The following KCNN2 variants were observed in gnomAD, a reference collection of about 807,000 sequenced individuals.
KCNN2 encodes potassium calcium-activated channel subfamily N member 2.
A neutral mutation model predicts 55.5 loss-of-function variants in KCNN2; 24 were observed. The ratio of observed to expected loss-of-function variants is 0.43; its 90% CI spans 0.31 to 0.61. The LOEUF is 0.61. Among genes scored for constraint, KCNN2 ranks in the 20% least tolerant of loss-of-function variants. The pLI, the probability that KCNN2 is intolerant of heterozygous loss-of-function variation, is 0.08. For synonymous variants in KCNN2, 431 were observed against 336.1 expected (o/e 1.28, Z -3.09); for missense variants, 754 against 853.6 (o/e 0.88, Z 1.45).
intron 2 of KCNN2, among the ~76,000 whole-genome samples, chr5:114,289,210 A>G (rs1218921765): frequency 6.6e-6 from 1 of 152,106 alleles, no homozygotes; most frequent in Non-Finnish European, 1.5e-5. Flanking sequence ...CTGTATGTTT[A>G]TCCTTATGCC....
In KCNN2 at chr5:114,253,031, G is replaced by A. The variant is rs115561895; in HGVS notation, c.-185+31466G>A. 2.8e-3 allele frequency among the ~76,000 whole-genome samples: 429 copies of A among 152,112 alleles called. 2 individuals are homozygous for A. Among genetic ancestry groups the A allele is most frequent in the African/African-American group, 9.9e-3 (411 of 41,504 alleles). ...AAGAGCTCTGCTCTGCTTCTCCTTG[G>A]GGGGTAGTACCTCTTGAACAGCCTT... On this transcript the variant is annotated intron_variant, in intron 2 of 10. Transcript: ENST00000512097.
At chr5:114,098,525 G>A (rs1023437365) in intron 1 of KCNN2, among the ~76,000 whole-genome samples, 22 of 152,040 alleles carry the variant, frequency 1.4e-4, no homozygotes, top group Admixed American at 1.3e-4. Flanking sequence ...TGAGGGATCT[G>A]GGTTGCAAGC....
intron 1 of KCNN2, among the ~76,000 whole-genome samples, chr5:114,143,350 A>G (rs1014843543): frequency 2.0e-5 from 3 of 152,196 alleles, no homozygotes; most frequent in African/African-American, 7.2e-5. Flanking sequence ...TATGATTGGG[A>G]AGATATTAAT....
intron 2 of KCNN2, among the ~76,000 whole-genome samples, chr5:114,234,666 T>G (rs1410765788): frequency 6.6e-6 from 1 of 152,086 alleles, no homozygotes. Context: ...CAGGTATATG[T>G]GTGTAAACGG....
intron 2 of KCNN2, among the ~76,000 whole-genome samples, chr5:114,322,576 TACACAC>T (rs113249707): frequency 5.4e-5 from 8 of 148,716 alleles, no homozygotes; most frequent in East Asian, 2.0e-4. Flanking sequence ...CACTCCCCCA[TACACAC>T]ACACACACAC....
intron 2 of KCNN2, among the ~76,000 whole-genome samples, chr5:114,298,193 C>T (rs1164461527): frequency 6.6e-6 from 1 of 152,190 alleles, no homozygotes; most frequent in African/African-American, 2.4e-5. Flanking sequence ...GCAAAGAATA[C>T]ACGTTCTTTA....
intron 1 of KCNN2, among the ~76,000 whole-genome samples, chr5:114,110,958 C>T (rs1479657476): frequency 2.0e-5 from 3 of 152,068 alleles, no homozygotes; most frequent in African/African-American, 7.2e-5. Flanking sequence ...AAAACTACTT[C>T]ACAGAATTGG....
intron 3 of KCNN2, among the ~76,000 whole-genome samples, chr5:114,438,334 A>G (rs1760083028): frequency 6.6e-6 from 1 of 152,212 alleles, no homozygotes; most frequent in Non-Finnish European, 1.5e-5. Flanking sequence ...CCATCACTCC[A>G]TGTGACTAGA....
intron 1 of KCNN2, among the ~76,000 whole-genome samples, chr5:114,204,656 T>C (rs1269457196): frequency 6.6e-6 from 1 of 152,236 alleles, no homozygotes; most frequent in African/African-American, 2.4e-5. Context: ...TTACACAGCA[T>C]ACTCAGTAGC....
Position 114,244,303 on chromosome 5 carries a change from C to T in KCNN2, c.-185+22738C>T, listed in dbSNP as rs552761346. 2.9e-3 allele frequency among the ~76,000 whole-genome samples: 428 copies of T among 147,086 alleles called. 4 individuals carry two copies. Among genetic ancestry groups the T allele is most frequent in the African/African-American group, 0.011 (416 of 39,480 alleles). On this transcript the variant is annotated intron_variant, in intron 2 of 10. Coordinates refer to the KCNN2 transcript ENST00000512097. ...CTAAGAGCAAGATGGAATTTTTTTG[C>T]TTGTTTATTTAAAAAAAAAGAGGCT...
intron 1 of KCNN2, among the ~76,000 whole-genome samples, chr5:114,185,131 T>G (rs146101810): frequency 6.6e-6 from 1 of 152,208 alleles, no homozygotes; most frequent in Non-Finnish European, 1.5e-5. Flanking sequence ...TAGGTGATTC[T>G]GAAGTTAAAA....
At chr5:114,341,061 T>C (rs1757007012) in intron 2 of KCNN2, among the ~76,000 whole-genome samples, 2 of 152,258 alleles carry the variant, frequency 1.3e-5, no homozygotes, top group South Asian at 2.1e-4. Flanking sequence ...TATATGTATA[T>C]ACCACATTTT....
intron 5 of KCNN2, chr5:114,486,822 C>T: frequency 7.7e-7 from 1 of 1,303,124 alleles, no homozygotes; most frequent in Non-Finnish European, 1.0e-6. Context: ...GAATTTACCA[C>T]AGAAAGAAAG....
intron 2 of KCNN2, among the ~76,000 whole-genome samples, chr5:114,346,233 C>A (rs1042829747): frequency 3.9e-5 from 6 of 152,152 alleles, no homozygotes; most frequent in Non-Finnish European, 8.8e-5. Context: ...TCAAGCCATG[C>A]GACGACAACA....
chr5:114,065,885 A>G (rs1407056617), intron 1 of KCNN2, among the ~76,000 whole-genome samples: 8 of 124,922 alleles, frequency 6.4e-5, no homozygotes, highest in Non-Finnish European at 1.3e-4. Context: ...TTTTTTTTGC[A>G]ATGGGGAAAA....
At position 114,474,892 on chromosome 5, in the gene KCNN2, GA is replaced by G. The variant is rs560628518; in HGVS notation, c.1890+1739del. 2.2e-3 allele frequency among the ~76,000 whole-genome samples: 309 copies of G among 142,434 alleles called. 1 individual carries two copies. Among genetic ancestry groups the G allele is most frequent in the Middle Eastern group, 0.011 (3 of 284 alleles). 93.4% of individuals were successfully genotyped at this position (142,434 alleles called of 152,430 possible). ...ATATGTTTGCCTGTAAATCTTAACA[GA>G]AAAAAAAAAAGTGACAGAATCACAA... On this transcript the variant is annotated intron_variant, in intron 5 of 7. Coordinates refer to ENST00000673685, the MANE Select transcript of KCNN2 (RefSeq NM_021614.4).
At chr5:114,403,084 A>C (rs1352857385) in intron 2 of KCNN2, among the ~76,000 whole-genome samples, 1 of 152,190 alleles carries the variant, frequency 6.6e-6, no homozygotes, top group Non-Finnish European at 1.5e-5. Context: ...TTGAGACTTG[A>C]CATTTCTTTA....
chr5:114,269,953 C>T (rs1755292678), intron 2 of KCNN2, among the ~76,000 whole-genome samples: 1 of 152,262 alleles, frequency 6.6e-6, no homozygotes, highest in African/African-American at 2.4e-5. Context: ...ACGTTATTGT[C>T]CTGATTAGTG....
At chr5:114,361,138 A>G (rs1275624373), upstream of KCNN2, 1 of 152,162 alleles carries the variant, frequency 6.6e-6, no homozygotes, top group Non-Finnish European at 1.5e-5. Flanking sequence ...CATGTTCTGG[A>G]GAAGGCGCAA....
Sources: gnomAD v4.1 joint callset for allele counts (sites outside exome capture counted in the v4.1 genomes callset) on GRCh38, gnomAD v4.1.1 for gene constraint, MANE v1.5 for transcripts, NCBI Gene and HGNC (gene_info 2026-07-23, HGNC 2026-07-21) for gene names.